PRSS55: variants seen among roughly 807,000 people sequenced by gnomAD.
The protein encoded by PRSS55 is probable serine protease UNQ9391/PRO34284.
Under a neutral mutation model 23.6 loss-of-function variants are expected in PRSS55, and 41 were observed. That is an observed-to-expected ratio of 1.74 (90% CI 1.35 to 2.26). The LOEUF (loss-of-function observed/expected upper bound fraction) is 2.26, where lower values mean the gene tolerates loss of function less well. PRSS55 is among the 30% of genes most tolerant of loss of function. PRSS55 has a pLI of 0.00. For missense variants in PRSS55, 669 were observed against 439.1 expected (o/e 1.52, Z -4.68); for synonymous variants, 262 against 175.5 (o/e 1.49, Z -3.90).
At chr8:10,552,545 CA>C (rs1209108147) in intron 4 of PRSS55, among the ~76,000 whole-genome samples, 6 of 150,972 alleles carry the variant, frequency 4.0e-5, no homozygotes, top group Admixed American at 6.6e-5. Flanking sequence ...GGTTAATCCC[CA>C]AAATATACAA....
intron 4 of PRSS55, among the ~76,000 whole-genome samples, chr8:10,546,954 T>C (rs1485589040): frequency 6.6e-6 from 1 of 152,090 alleles, no homozygotes; most frequent in African/African-American, 2.4e-5. Flanking sequence ...AGTGCTGGGA[T>C]TACAGGTGTG....
intron 4 of PRSS55, among the ~76,000 whole-genome samples, chr8:10,545,577 C>T (rs115696400): frequency 0.014 from 2,061 of 152,286 alleles, 54 homozygotes; most frequent in African/African-American, 0.047. Flanking sequence ...CATTTCCCTA[C>T]GAGACCCAGA....
At chr8:10,527,478 A>G (rs1217775474) in intron 1 of PRSS55, among the ~76,000 whole-genome samples, 1 of 152,272 alleles carries the variant, frequency 6.6e-6, no homozygotes, top group Non-Finnish European at 1.5e-5. Context: ...CGAGGATGCA[A>G]TGAAGAAATA....
chr8:10,534,996 A>C (rs1349596688), intron 4 of PRSS55, among the ~76,000 whole-genome samples: 1 of 152,228 alleles, frequency 6.6e-6, no homozygotes, highest in East Asian at 1.9e-4. Flanking sequence ...AATATCTAGG[A>C]ATACAGACAA....
At chr8:10,541,892 G>A (rs1004616458), downstream of PRSS55, among the ~76,000 whole-genome samples, 1 of 152,072 alleles carries the variant, frequency 6.6e-6, no homozygotes, top group African/African-American at 2.4e-5. Context: ...CTGAGTCCCA[G>A]CCTCTCTAAT....
At chr8:10,542,857 A>G (rs7007023), downstream of PRSS55, among the ~76,000 whole-genome samples, 91,349 of 141,566 alleles carry the variant, frequency 0.65, 30,167 homozygotes, top group South Asian at 0.76. Context: ...TGGGTGACAA[A>G]AGCAAAACTT....
intron 4 of PRSS55, among the ~76,000 whole-genome samples, chr8:10,546,828 G>A (rs964821009): frequency 6.6e-6 from 1 of 152,062 alleles, no homozygotes; most frequent in Non-Finnish European, 1.5e-5. Context: ...ATTGCACACA[G>A]GAGTGTGCAA....
chr8:10,526,679 G>C (rs929328672), intron 1 of PRSS55, among the ~76,000 whole-genome samples: 3 of 152,222 alleles, frequency 2.0e-5, no homozygotes, highest in Admixed American at 6.5e-5. Flanking sequence ...TCAGGACCAA[G>C]AATGTGGGGG....
At chr8:10,549,395 C>T (rs1451043637) in intron 4 of PRSS55, among the ~76,000 whole-genome samples, 2 of 152,134 alleles carry the variant, frequency 1.3e-5, no homozygotes, top group African/African-American at 2.4e-5. Context: ...GGAGGGGTGG[C>T]CTGTAGGGAT....
Position 10,538,518 on chromosome 8 carries a change from G to A in PRSS55, c.784G>A (p.Glu262Lys), listed in dbSNP as rs1431132450. The change falls in exon 5 of 5, where the codon GAG becomes AAG. Residue 262 changes from glutamate to lysine, a missense_variant. Glu to Lys is a moderately conservative substitution (Grantham distance 56, BLOSUM62 1). Coordinates refer to ENST00000328655, the MANE Select transcript of PRSS55 (RefSeq NM_198464.4). ...TCTGGTCTGCACCCCAGAGCCTGGT[G>A]AGAAGTGGTACCAGGTGGGCATCAT... is the stretch of plus-strand genomic sequence containing the variant. ...GPLVCTPEPG[E>K]KWYQVGIISW... 2.5e-6 allele frequency: 4 copies of A among 1,614,118 alleles called. No individual in the cohort carries two copies. Among genetic ancestry groups the A allele is most frequent in the Non-Finnish European group, 3.4e-6 (4 of 1,179,992 alleles).
At chr8:10,539,432 A>G (rs551906730), downstream of PRSS55, among the ~76,000 whole-genome samples, 2 of 152,328 alleles carry the variant, frequency 1.3e-5, no homozygotes, top group East Asian at 3.9e-4. Context: ...AAAACGAACG[A>G]TGTGCTTATG....
chr8:10,540,734 A>G (rs1812632776), downstream of PRSS55: 1 of 152,248 alleles, frequency 6.6e-6, no homozygotes, highest in Non-Finnish European at 1.5e-5. Context: ...AGAAAAAAGA[A>G]AAAAAGCTTC....
chr8:10,537,543 A>G (rs1180489217), intron 4 of PRSS55, among the ~76,000 whole-genome samples: 1 of 151,288 alleles, frequency 6.6e-6, no homozygotes, highest in African/African-American at 2.4e-5. Context: ...TGGTAGCACA[A>G]TAAAGTGATT....
downstream of PRSS55, among the ~76,000 whole-genome samples, chr8:10,543,787 A>G (rs1196101598): frequency 6.6e-6 from 1 of 151,166 alleles, no homozygotes; most frequent in African/African-American, 2.4e-5. Flanking sequence ...AGCTCTTTTT[A>G]CTCATTGATT....
chr8:10,543,434 TCCTTCCTTCCATCCTTCC>T (rs1812719572), downstream of PRSS55, among the ~76,000 whole-genome samples: 16 of 14,942 alleles, frequency 1.1e-3, no homozygotes, highest in Middle Eastern at 0.033. Context: ...CTTCCTTCCT[TCCTTCCTTCCATCCTTCC>T]TTCCTTCCTT....
intron 3 of PRSS55, among the ~76,000 whole-genome samples, chr8:10,532,020 G>T (rs1812285189): frequency 6.6e-6 from 1 of 152,044 alleles, no homozygotes; most frequent in Non-Finnish European, 1.5e-5. Context: ...AGTCTACTGG[G>T]ACAGAAAAAT....
At chr8:10,553,872 A>G in intron 4 of PRSS55, 2 of 1,045,632 alleles carry the variant, frequency 1.9e-6, no homozygotes, top group Non-Finnish European at 2.7e-6. Context: ...GTATACATAA[A>G]TCAAAGCACC....
At chr8:10,536,132 G>A (rs577203050) in intron 4 of PRSS55, among the ~76,000 whole-genome samples, 8 of 152,272 alleles carry the variant, frequency 5.3e-5, no homozygotes, top group Admixed American at 5.2e-4. Context: ...CTTGCAGTGA[G>A]CCCAGACTGC....
intron 4 of PRSS55, among the ~76,000 whole-genome samples, chr8:10,548,701 C>T (rs144085547): frequency 1.3e-4 from 20 of 152,326 alleles, no homozygotes; most frequent in African/African-American, 2.2e-4. Context: ...AGGTGGGACC[C>T]GGCAGCATGA....
Sources: allele counts gnomAD v4.1 joint callset (sites outside exome capture counted in the v4.1 genomes callset), GRCh38; gene constraint gnomAD v4.1.1; transcripts MANE v1.5; gene names NCBI Gene and HGNC (gene_info 2026-07-23, HGNC 2026-07-21).